The following PKNOX2 variants were observed in gnomAD, a reference collection of about 807,000 sequenced individuals.
The protein encoded by PKNOX2 is PBX/knotted 1 homeobox 2.
In PKNOX2, 14 loss-of-function variants were observed where a neutral mutation model predicts 53.1. The ratio of observed to expected loss-of-function variants is 0.26; its 90% CI spans 0.17 to 0.41. The LOEUF (loss-of-function observed/expected upper bound fraction) is 0.41. Among genes scored for constraint, PKNOX2 ranks in the 10% least tolerant of loss-of-function variants. The pLI is 1.00. For synonymous variants in PKNOX2, 257 were observed against 242.8 expected, an observed-to-expected ratio of 1.06 and a Z score of -0.54; for missense variants, 496 against 602.8, an observed-to-expected ratio of 0.82 and a Z score of 1.85.
intron 10 of PKNOX2, among the ~76,000 whole-genome samples, chr11:125,414,974 ATTTTAC>A (rs747974673): frequency 3.3e-5 from 5 of 152,130 alleles, no homozygotes; most frequent in Non-Finnish European, 5.9e-5. Flanking sequence ...ACACCTACTG[ATTTTAC>A]TATCATTTGA....
chr11:125,214,606 G>T (rs936209315), intron 1 of PKNOX2, among the ~76,000 whole-genome samples: 2 of 152,060 alleles, frequency 1.3e-5, no homozygotes, highest in African/African-American at 4.8e-5. Flanking sequence ...GCCATACCCT[G>T]GGCCAGCCTC....
intron 6 of PKNOX2, among the ~76,000 whole-genome samples, chr11:125,394,532 TGTGGGC>T: frequency 6.6e-6 from 1 of 152,354 alleles, no homozygotes; most frequent in African/African-American, 2.4e-5. Context: ...GCCCAGGGAA[TGTGGGC>T]TCCCCACTTG....
intron 10 of PKNOX2, among the ~76,000 whole-genome samples, chr11:125,413,311 G>A (rs1019376735): frequency 6.6e-6 from 1 of 152,226 alleles, no homozygotes; most frequent in Non-Finnish European, 1.5e-5. Flanking sequence ...CTAAGGAGCA[G>A]CTCTGATTCA....
At chr11:125,349,523 G>A (rs977040844) in intron 3 of PKNOX2, among the ~76,000 whole-genome samples, 63 of 152,270 alleles carry the variant, frequency 4.1e-4, no homozygotes, top group Admixed American at 3.2e-3. Flanking sequence ...TGAGGCCGAC[G>A]GAACCGGCCT....
At chr11:125,319,399 C>G (rs972187382) in intron 2 of PKNOX2, among the ~76,000 whole-genome samples, 2 of 152,162 alleles carry the variant, frequency 1.3e-5, no homozygotes, top group African/African-American at 4.8e-5. Context: ...TGAGTACCTG[C>G]TGTTGGAAAA....
At chr11:125,179,427 G>T (rs1316985311) in intron 1 of PKNOX2, among the ~76,000 whole-genome samples, 1 of 152,192 alleles carries the variant, frequency 6.6e-6, no homozygotes, top group Non-Finnish European at 1.5e-5. Flanking sequence ...AGTGATGTTT[G>T]AGGTGAGCCT....
intron 7 of PKNOX2, 78 bp from the exon 8 acceptor site, chr11:125,410,118 G>A: frequency 6.5e-7 from 1 of 1,543,202 alleles, no homozygotes; most frequent in Non-Finnish European, 8.8e-7. Context: ...GAAGGGGAAA[G>A]GACGGAAGAG....
At chr11:125,285,902 G>A (rs886881913) in intron 2 of PKNOX2, among the ~76,000 whole-genome samples, 1 of 152,174 alleles carries the variant, frequency 6.6e-6, no homozygotes, top group African/African-American at 2.4e-5. Context: ...GAAATCCTGG[G>A]TGATGGTGTG....
Position 125,385,687 on chromosome 11 carries a change from C to T in PKNOX2, c.364C>T (p.Pro122Ser), listed in dbSNP as rs368618567. Residue 122 changes from proline to serine, a missense_variant, in exon 6 of 13, where the codon CCC becomes TCC. Transcript: ENST00000298282. ...CCACCAGCAGGAACAGGAGCACAAA[C>T]CCTTCTTCAGCGATGACCCAGAACT... The part of the protein sequence containing the change: ...FVHQQEQEHK[P>S]FFSDDPELDN... 4 of 1,613,738 alleles carry T rather than the reference C, an allele frequency of 2.5e-6. No homozygotes were observed. In the Admixed American group the frequency reaches 5.0e-5, roughly 20 times the overall value.
chr11:125,329,854 G>A (rs1950033426), intron 2 of PKNOX2, among the ~76,000 whole-genome samples: 1 of 152,164 alleles, frequency 6.6e-6, no homozygotes, highest in Admixed American at 6.5e-5. Context: ...AAAGGCAGTC[G>A]GGGCCAGCTG....
At chr11:125,182,652 G>A (rs1251822612) in intron 1 of PKNOX2, among the ~76,000 whole-genome samples, 2 of 152,236 alleles carry the variant, frequency 1.3e-5, no homozygotes, top group Non-Finnish European at 2.9e-5. Flanking sequence ...CCAGTGTTGG[G>A]TTTGGATGGG....
rs190829632 is a variant in PKNOX2, at chr11:125,410,971, T to C, written c.816+95T>C. ...CCAGGCACTTTACACGGGTGACTCA[T>C]TGAATCCTCATCATCCTCTAAGAGG... On this transcript the variant is annotated intron_variant, in intron 9 of 12. Coordinates refer to ENST00000298282, the MANE Select transcript of PKNOX2 (RefSeq NM_001382323.2). 165 of 989,482 alleles carry C rather than the reference T, an allele frequency of 1.7e-4. 1 individual carries two copies. The highest frequency in any genetic ancestry group is 2.4e-4 in the Non-Finnish European group (154 of 632,728). The allele number at this position is 989,482 out of a possible 1,614,324, so 61.3% of individuals were successfully genotyped here. A position where few individuals can be genotyped will look rare whatever the true frequency, so the allele number is the denominator to read the frequency against.
chr11:125,338,065 T>C (rs1950512580), intron 3 of PKNOX2, among the ~76,000 whole-genome samples: 1 of 152,232 alleles, frequency 6.6e-6, no homozygotes, highest in African/African-American at 2.4e-5. Context: ...CCGCAGCAGC[T>C]GGCTTCTCAC....
At chr11:125,224,091 G>A (rs765149327) in intron 1 of PKNOX2, among the ~76,000 whole-genome samples, 11 of 152,236 alleles carry the variant, frequency 7.2e-5, no homozygotes, top group East Asian at 1.9e-4. Flanking sequence ...TCTTCAGTCC[G>A]CCAGAAACAC....
rs150923972 is a variant in PKNOX2, at chr11:125,405,957, C to T, written c.589-4239C>T. On this transcript the variant is annotated intron_variant, in intron 7 of 12. Transcript: ENST00000298282. ...TGGGCTGGATAACCAGCTGTCATCC[C>T]CAGGTTCCTGGATAATTCCAGCAGG... Among the ~76,000 whole-genome samples the T allele has an allele frequency of 8.9e-4, 135 of 152,300 alleles. No individual in the cohort carries two copies. The South Asian group carries it at 1.0e-2, about 11-fold the overall frequency.
At chr11:125,256,233 A>T (rs937732220) in intron 2 of PKNOX2, among the ~76,000 whole-genome samples, 1 of 151,972 alleles carries the variant, frequency 6.6e-6, no homozygotes, top group Non-Finnish European at 1.5e-5. Flanking sequence ...AAGACCCAAG[A>T]CACAGTTTCC....
intron 12 of PKNOX2, among the ~76,000 whole-genome samples, chr11:125,430,877 A>G (rs1398284412): frequency 1.3e-5 from 2 of 152,252 alleles, no homozygotes; most frequent in African/African-American, 4.8e-5. Flanking sequence ...TGGGGATAAT[A>G]ATACCTGCCT....
At chr11:125,196,498 C>G (rs933445878) in intron 1 of PKNOX2, among the ~76,000 whole-genome samples, 4 of 152,206 alleles carry the variant, frequency 2.6e-5, no homozygotes, top group African/African-American at 9.7e-5. Context: ...CACCAAGAAG[C>G]TTCATGCTGT....
chr11:125,416,195 T>C (rs926990016), intron 10 of PKNOX2, among the ~76,000 whole-genome samples: 2 of 146,384 alleles, frequency 1.4e-5, no homozygotes, highest in Non-Finnish European at 3.0e-5. Context: ...CCCAGCTACT[T>C]GGGAGGCTGA....
Sources: allele counts gnomAD v4.1 joint callset (sites outside exome capture counted in the v4.1 genomes callset), GRCh38; gene constraint gnomAD v4.1.1; transcripts MANE v1.5; gene names NCBI Gene and HGNC (gene_info 2026-07-23, HGNC 2026-07-21).